MS4A7: variants seen among roughly 807,000 people sequenced by gnomAD.
The protein encoded by MS4A7 is membrane spanning 4-domains A7, also known as membrane-spanning 4-domains subfamily A member 7.
Under a neutral mutation model 23.5 loss-of-function variants are expected in MS4A7, and 21 were observed. That is an observed-to-expected ratio of 0.89 (90% CI 0.63 to 1.29). The LOEUF is 1.29. MS4A7 is among the 50% of genes most tolerant of loss of function. The pLI, the probability that MS4A7 is intolerant of heterozygous loss-of-function variation, is 0.00. For synonymous variants in MS4A7, 111 were observed against 107.4 expected, an observed-to-expected ratio of 1.03 and a Z score of -0.21; for missense variants, 263 against 274.2, an observed-to-expected ratio of 0.96 and a Z score of 0.29.
intron 4 of MS4A7, among the ~76,000 whole-genome samples, 184 bp downstream of exon 4, chr11:60,386,957 T>C (rs566985131): frequency 1.5e-4 from 23 of 152,350 alleles, no homozygotes; most frequent in Non-Finnish European, 2.9e-4. Context: ...TTTCTTGCCT[T>C]CTAGACCAGT....
rs545087008 is a variant in MS4A7, at chr11:60,383,232, T to G, written c.91T>G (p.Tyr31Asp). The change falls in exon 2 of 7, where the codon TAC becomes GAC. Residue 31 changes from tyrosine to aspartate, a missense_variant. Transcript: ENST00000300184. ...IPQREKPGHM[Y>D]QNEDYLQNGL... ...TCAAAGAGAGAAACCTGGACACATG[T>G]ACCAAAACGAAGATTACCTGCAGAA... is the stretch of plus-strand genomic sequence containing the variant. 178 of 1,614,162 alleles carry G rather than the reference T, an allele frequency of 1.1e-4. 2 individuals are homozygous for G. The South Asian group carries it at 1.9e-3, about 17-fold the overall frequency.
In MS4A7 at chr11:60,394,580, C is replaced by G. The variant is rs1310849312; in HGVS notation, c.*719C>G. 6.5e-6 allele frequency: 1 copy of G among 153,658 alleles called. No homozygotes were observed. The highest frequency in any genetic ancestry group is 1.4e-5 in the Non-Finnish European group (1 of 69,198). 9.5% of individuals were successfully genotyped at this position (153,658 alleles called of 1,614,324 possible). The stretch of plus-strand genomic sequence containing the variant: ...CTTTGGTAGGCCGAGGTGGACGGAT[C>G]ACCCGAGGTCAGGAGTTTGAGACCA... On this transcript the variant is annotated 3_prime_UTR_variant, in exon 7 of 7. Coordinates refer to ENST00000300184, the MANE Select transcript of MS4A7 (RefSeq NM_021201.5).
In MS4A7 at chr11:60,395,623, T is replaced by G. The variant is rs1172054049; in HGVS notation, c.*1762T>G. ...TTTGTGTAGTTCAAACCAGGAAGGATTTGACTATCATTAGATTTTGCTTAA... is the reference window on the plus strand; with the variant it reads ...TTTGTGTAGTTCAAACCAGGAAGGAGTTGACTATCATTAGATTTTGCTTAA... On this transcript the variant is annotated 3_prime_UTR_variant, in exon 7 of 7. Transcript: ENST00000300184. 1 of 152,322 alleles carries G rather than the reference T, an allele frequency of 6.6e-6. No individual in the cohort carries two copies. The highest frequency in any genetic ancestry group is 2.1e-4 in the South Asian group (1 of 4,830). 9.4% of individuals were successfully genotyped at this position (152,322 alleles called of 1,614,324 possible).
chr11:60,389,794 A>G, intron 5 of MS4A7, 198 bp downstream of exon 5: 1 of 577,200 alleles, frequency 1.7e-6, no homozygotes, highest in Non-Finnish European at 3.1e-6. Flanking sequence ...AAGTCAAAAG[A>G]GGAAATCATG....
At position 60,389,594 on chromosome 11, in the gene MS4A7, A is replaced by C; in HGVS notation, c.544A>C (p.Thr182Pro). The change falls in exon 5 of 7, where the codon ACA becomes CCA. Residue 182 changes from threonine (T) to proline (P), a missense_variant and splice_region_variant. Thr to Pro is a conservative substitution (Grantham distance 38, BLOSUM62 -1). Transcript: ENST00000300184. ...KDCLLTSVSL[T>P]GVLVVMLIFT... ...TTGTCTCCTGACCAGTGTCAGTTTA[A>C]CAGTGAGTAGTTTCAGACTGAATAT... 1.2e-6 allele frequency: 2 copies of C among 1,612,102 alleles called. No homozygotes were observed. Among genetic ancestry groups the C allele is most frequent in the Non-Finnish European group, 1.7e-6 (2 of 1,178,556 alleles).
intron 1 of MS4A7, among the ~76,000 whole-genome samples, chr11:60,382,851 G>T (rs2085444853): frequency 6.6e-6 from 1 of 152,160 alleles, no homozygotes; most frequent in South Asian, 2.1e-4. Flanking sequence ...GGGCTACAAA[G>T]CAAGTTCTAT....
intron 1 of MS4A7, among the ~76,000 whole-genome samples, chr11:60,382,869 G>T (rs983505385): frequency 3.0e-4 from 46 of 152,244 alleles, no homozygotes; most frequent in South Asian, 6.2e-4. Flanking sequence ...TATGTGATTT[G>T]CTCACCTCTC....
At chr11:60,391,645 G>T (rs2085551730) in intron 5 of MS4A7, among the ~76,000 whole-genome samples, 1 of 152,186 alleles carries the variant, frequency 6.6e-6, no homozygotes, top group Non-Finnish European at 1.5e-5. Flanking sequence ...CAGGCCAGGT[G>T]CAGTGGCTCA....
chr11:60,381,222 C>T (rs1417711504), intron 1 of MS4A7, among the ~76,000 whole-genome samples: 1 of 152,196 alleles, frequency 6.6e-6, no homozygotes, highest in African/African-American at 2.4e-5. Context: ...TGCTGGAAGG[C>T]TCACCCTGAC....
chr11:60,391,079 T>C (rs115807362), intron 5 of MS4A7, among the ~76,000 whole-genome samples: 1,523 of 152,256 alleles, frequency 0.01, 31 homozygotes, highest in African/African-American at 0.034. Flanking sequence ...ATGACAAGAT[T>C]TGGCATTGGA....
In MS4A7 at chr11:60,385,241, C is replaced by T; in HGVS notation, c.282+19C>T. The T allele has an allele frequency of 6.2e-7, 1 of 1,613,510 alleles. No individual in the cohort carries two copies. The highest frequency in any genetic ancestry group is 8.5e-7 in the Non-Finnish European group (1 of 1,179,666). On this transcript the variant is annotated intron_variant, in intron 3 of 6. Coordinates refer to ENST00000300184, the MANE Select transcript of MS4A7 (RefSeq NM_021201.5). The stretch of plus-strand genomic sequence containing the variant: ...TCTGTGTGTGAGTAGAATGGGGACT[C>T]TAAGAGGGGACATGCTTTATAAATG...
At chr11:60,387,798 G>A (rs751365265) in intron 4 of MS4A7, among the ~76,000 whole-genome samples, 10 of 152,148 alleles carry the variant, frequency 6.6e-5, no homozygotes, top group South Asian at 4.1e-4. Flanking sequence ...TTAAAAGAGC[G>A]GCTTCAGAGA....
At chr11:60,389,011 G>A (rs12793970) in intron 4 of MS4A7, 48,744 of 168,260 alleles carry the variant, frequency 0.29, 7,776 homozygotes, top group East Asian at 0.37. Flanking sequence ...AGAGGGGACC[G>A]AAGTCCATAT....
intron 6 of MS4A7, among the ~76,000 whole-genome samples, chr11:60,393,195 A>G (rs1191756112): frequency 6.6e-6 from 1 of 152,178 alleles, no homozygotes; most frequent in Admixed American, 6.5e-5. Context: ...GCTGGTGTCT[A>G]CTGGGAAGCA....
chr11:60,391,276 A>C (rs377448288), intron 5 of MS4A7, among the ~76,000 whole-genome samples: 1 of 152,314 alleles, frequency 6.6e-6, no homozygotes, highest in Non-Finnish European at 1.5e-5. Flanking sequence ...TTACATATAA[A>C]ATAGGGGGAC....
At chr11:60,386,491 C>T (rs1175678512) in intron 3 of MS4A7, 2 of 442,760 alleles carry the variant, frequency 4.5e-6, no homozygotes, top group Non-Finnish European at 4.0e-6. Context: ...TCCACTAAAA[C>T]AAATCCAACC....
chr11:60,383,579 A>G (rs996900079), intron 2 of MS4A7: 2 of 157,234 alleles, frequency 1.3e-5, no homozygotes, highest in Non-Finnish European at 2.8e-5. Context: ...TCCCTCTGTC[A>G]CCCAGCATGG....
chr11:60,380,034 G>A (rs765053160), intron 1 of MS4A7, among the ~76,000 whole-genome samples: 6 of 152,126 alleles, frequency 3.9e-5, no homozygotes, highest in Non-Finnish European at 7.3e-5. Context: ...ACTCTTCTAG[G>A]TGCCTCACAT....
chr11:60,378,898 C>T (rs1252673136), intron 1 of MS4A7, among the ~76,000 whole-genome samples: 1 of 152,198 alleles, frequency 6.6e-6, no homozygotes. Flanking sequence ...TCTGCATTCT[C>T]CTGGTGTGTC....
Sources: allele counts gnomAD v4.1 joint callset (sites outside exome capture counted in the v4.1 genomes callset), GRCh38; gene constraint gnomAD v4.1.1; transcripts MANE v1.5; gene names NCBI Gene and HGNC (gene_info 2026-07-23, HGNC 2026-07-21).